The following ELF2 variants were observed in gnomAD, a reference collection of about 807,000 sequenced individuals.
The protein encoded by ELF2 is E74 like ETS transcription factor 2.
ELF2 carries 11 observed loss-of-function variants against 54.8 expected under a neutral mutation model. The observed-to-expected ratio is 0.20, with a 90% CI of 0.13 to 0.33. The LOEUF (loss-of-function observed/expected upper bound fraction) is 0.33, where lower values mean the gene tolerates loss of function less well. ELF2 is among the 10% of genes least tolerant of loss of function. The probability of loss-of-function intolerance (pLI) is 1.00; values close to 1 mark genes in which losing one functional copy is unlikely to be tolerated. For synonymous variants in ELF2, 203 were observed against 245.1 expected (o/e 0.83, Z 1.61); for missense variants, 513 against 703.0 (o/e 0.73, Z 3.06).
At chr4:139,162,224 A>G (rs1227262657) in intron 1 of ELF2, among the ~76,000 whole-genome samples, 2 of 151,830 alleles carry the variant, frequency 1.3e-5, no homozygotes, top group Non-Finnish European at 1.5e-5. Context: ...AATTAAAAAA[A>G]TAACAAATTA....
At chr4:139,133,672 T>C (rs1737797401) in intron 3 of ELF2, among the ~76,000 whole-genome samples, 1 of 152,008 alleles carries the variant, frequency 6.6e-6, no homozygotes, top group African/African-American at 2.4e-5. Context: ...GTTCACTATG[T>C]TGCCTGAGCT....
chr4:139,124,350 C>G (rs1302463942), intron 4 of ELF2, among the ~76,000 whole-genome samples: 1 of 152,172 alleles, frequency 6.6e-6, no homozygotes, highest in East Asian at 1.9e-4. Flanking sequence ...AGGGGTACTA[C>G]TGGACCTCAT....
chr4:139,164,634 C>T (rs571946934), intron 1 of ELF2, among the ~76,000 whole-genome samples: 3 of 152,324 alleles, frequency 2.0e-5, no homozygotes, highest in South Asian at 4.1e-4. Context: ...GAGACCCTGG[C>T]TCAAAACAAC....
chr4:139,106,689 A>G (rs1734442717), intron 4 of ELF2, among the ~76,000 whole-genome samples: 1 of 151,786 alleles, frequency 6.6e-6, no homozygotes, highest in African/African-American at 2.4e-5. Context: ...TAATACAGAA[A>G]CACATGCATT....
chr4:139,064,014 TAGA>T (rs564317082), intron 7 of ELF2, among the ~76,000 whole-genome samples: 78 of 152,224 alleles, frequency 5.1e-4, no homozygotes, highest in South Asian at 2.5e-3. Context: ...TTCTTATTAA[TAGA>T]AGAACAGAAG....
intron 3 of ELF2, among the ~76,000 whole-genome samples, chr4:139,129,257 G>GA (rs1737256226): frequency 6.6e-6 from 1 of 152,134 alleles, no homozygotes; most frequent in African/African-American, 2.4e-5. Flanking sequence ...ACTTTCAAGC[G>GA]TCTCCTCTGA....
rs1739894318 is a variant in ELF2 at position 139,151,053 on chromosome 4, A to AAAGG, written c.-251-11557_-251-11556insCCTT. On this transcript the variant is annotated intron_variant, in intron 1 of 9. Transcript: ENST00000686138. ...AAAAAAAAGAAAGAAAGAAAGAAAG[A>AAAGG]AAGAAAGAAAGAAAGAAAGAAAGAA... is the stretch of plus-strand genomic sequence containing the variant. Among the ~76,000 whole-genome samples the AAAGG allele has an allele frequency of 7.4e-5, 7 of 95,128 alleles. 1 individual carries two copies. Among genetic ancestry groups the AAAGG allele is most frequent in the Admixed American group, 6.8e-4 (5 of 7,354 alleles). 62.4% of individuals were successfully genotyped at this position (95,128 alleles called of 152,430 possible).
chr4:139,135,021 C>A (rs564493896), intron 3 of ELF2, among the ~76,000 whole-genome samples: 78 of 151,848 alleles, frequency 5.1e-4, no homozygotes, highest in South Asian at 1.7e-3. Flanking sequence ...ATAGAATAAT[C>A]CTAATTGTAT....
chr4:139,102,886 TG>T (rs994697377), intron 4 of ELF2, among the ~76,000 whole-genome samples: 173 of 150,828 alleles, frequency 1.1e-3, no homozygotes, highest in African/African-American at 4.1e-3. Context: ...GAGACATAAA[TG>T]TTTTTTTTTT....
intron 6 of ELF2, among the ~76,000 whole-genome samples, chr4:139,070,119 AG>A (rs1416631777): frequency 6.6e-6 from 1 of 152,092 alleles, no homozygotes; most frequent in East Asian, 1.9e-4. Context: ...CTGGAATTAC[AG>A]GCCTGAGCCA....
At chr4:139,110,166 A>G (rs1734821459) in intron 4 of ELF2, among the ~76,000 whole-genome samples, 1 of 152,190 alleles carries the variant, frequency 6.6e-6, no homozygotes, top group African/African-American at 2.4e-5. Context: ...GGTGTAAAAG[A>G]AGAAAAAACT....
intron 4 of ELF2, among the ~76,000 whole-genome samples, chr4:139,124,708 T>C (rs992832754): frequency 2.0e-5 from 3 of 152,150 alleles, no homozygotes; most frequent in African/African-American, 7.2e-5. Flanking sequence ...AGGAAACTGA[T>C]AGAACACTAC....
chr4:139,073,221 T>C (rs1416504169), intron 5 of ELF2, among the ~76,000 whole-genome samples: 4 of 152,224 alleles, frequency 2.6e-5, no homozygotes, highest in Non-Finnish European at 5.9e-5. Flanking sequence ...AGCTATTTAA[T>C]AAATATTTGT....
At chr4:139,158,477 ATGTT>A (rs1740774679) in intron 1 of ELF2, among the ~76,000 whole-genome samples, 1 of 152,126 alleles carries the variant, frequency 6.6e-6, no homozygotes, top group African/African-American at 2.4e-5. Context: ...ATAGTGGGCA[ATGTT>A]TCTCAGGGCT....
intron 9 of ELF2, 24 bp from the exon 10 acceptor site, chr4:139,059,631 C>T (rs892451904): frequency 3.1e-6 from 5 of 1,588,378 alleles, no homozygotes; most frequent in Non-Finnish European, 4.3e-6. Flanking sequence ...AAGAAAAAAG[C>T]TGATTATATT....
intron 1 of ELF2, among the ~76,000 whole-genome samples, chr4:139,157,086 C>T (rs1740625074): frequency 6.6e-6 from 1 of 152,186 alleles, no homozygotes. Context: ...AGCGTACTTA[C>T]ACAGACATAG....
Position 139,071,807 on chromosome 4 carries a change from GAA to G in ELF2, c.526+57_526+58del, listed in dbSNP as rs912734543. The G allele has an allele frequency of 4.0e-6, 6 of 1,497,706 alleles. No homozygotes were observed. The Admixed American group carries it at 1.4e-4, about 35-fold the overall frequency. 92.8% of individuals were successfully genotyped at this position (1,497,706 alleles called of 1,614,324 possible). On this transcript the variant is annotated intron_variant, in intron 6 of 9. Coordinates refer to ENST00000686138, the MANE Select transcript of ELF2 (RefSeq NM_001331036.3). ...ACTACTTTCTATGTCCCTTGATGAG[GAA>G]AAAGATAAGAGAAAAATTTTCACCT...
At chr4:139,174,749 G>A (rs940549154) in intron 1 of ELF2, among the ~76,000 whole-genome samples, 2 of 152,172 alleles carry the variant, frequency 1.3e-5, no homozygotes, top group Non-Finnish European at 2.9e-5. Context: ...GCATACAAGA[G>A]AATATGCAGA....
intron 3 of ELF2, among the ~76,000 whole-genome samples, chr4:139,134,579 GTTATATTTATTTTATT>G (rs1737912107): frequency 6.9e-6 from 1 of 145,010 alleles, no homozygotes; most frequent in African/African-American, 2.6e-5. Flanking sequence ...TTTATTTTAT[GTTATATTTATTTTATT>G]TTATTTTATT....
Sources: allele counts gnomAD v4.1 joint callset (sites outside exome capture counted in the v4.1 genomes callset), GRCh38; gene constraint gnomAD v4.1.1; transcripts MANE v1.5; gene names NCBI Gene and HGNC (gene_info 2026-07-23, HGNC 2026-07-21).